DGAT2: variants seen among roughly 807,000 people sequenced by gnomAD.
DGAT2 encodes the protein diacylglycerol O-acyltransferase 2, also known as acyl-CoA retinol O-fatty-acyltransferase.
Under a neutral mutation model 48.4 loss-of-function variants are expected in DGAT2, and 33 were observed. The observed-to-expected ratio is 0.68, with a 90% CI of 0.52 to 0.91. The LOEUF is 0.91. Ranked by LOEUF, DGAT2 falls within the 40% of genes least tolerant of loss-of-function variation. The probability of loss-of-function intolerance (pLI) is 0.00; values close to 1 mark genes in which losing one functional copy is unlikely to be tolerated. For missense variants in DGAT2, 446 were observed against 493.7 expected, an observed-to-expected ratio of 0.90 and a Z score of 0.92; for synonymous variants, 191 against 194.1, an observed-to-expected ratio of 0.98 and a Z score of 0.13.
chr11:75,800,580 G>T lies in DGAT2; in HGVS notation c.*72G>T. 6.6e-7 allele frequency: 1 copy of T among 1,524,736 alleles called. No homozygotes were observed. The highest frequency in any genetic ancestry group is 8.9e-7 in the Non-Finnish European group (1 of 1,125,490). 94.5% of individuals were successfully genotyped at this position (1,524,736 alleles called of 1,614,324 possible). A position where few individuals can be genotyped will look rare whatever the true frequency, so the allele number is the denominator to read the frequency against. On this transcript the variant is annotated 3_prime_UTR_variant, in exon 8 of 8. Coordinates refer to ENST00000228027, the MANE Select transcript of DGAT2 (RefSeq NM_032564.5). ...TTTTTTGCTCTGTAAATTTGGAAGT[G>T]TCATGGGTGTCTGTGGGTTATTTAA...
Position 75,790,168 on chromosome 11 carries a change from T to C in DGAT2, c.251-20T>C. The C allele has an allele frequency of 1.3e-6, 2 of 1,580,476 alleles. No individual in the cohort carries two copies. The highest frequency in any genetic ancestry group is 2.2e-5 in the South Asian group (2 of 90,404). ...AGATGAAGCCCAGTAGGACCTGACC[T>C]GTGGCCATCTGCCCCCCAGGAGTGG... On this transcript the variant is annotated intron_variant, in intron 2 of 7. Transcript: ENST00000228027.
chr11:75,796,775 C>A (rs1049288057), intron 5 of DGAT2: 3 of 551,068 alleles, frequency 5.4e-6, no homozygotes, highest in Non-Finnish European at 9.7e-6. Flanking sequence ...TTTCTGGGGA[C>A]CCCCAGCCCT....
At chr11:75,787,939 C>T (rs1944939239) in intron 2 of DGAT2, among the ~76,000 whole-genome samples, 1 of 152,186 alleles carries the variant, frequency 6.6e-6, no homozygotes, top group Admixed American at 6.5e-5. Flanking sequence ...TCTCTGGATA[C>T]CCCATCAGGC....
In DGAT2 at chr11:75,768,840, C is replaced by A. The variant is rs1030599939; in HGVS notation, c.-152C>A. On this transcript the variant is annotated 5_prime_UTR_variant, in exon 1 of 8. Coordinates refer to ENST00000228027, the MANE Select transcript of DGAT2 (RefSeq NM_032564.5). ...CTCTCGCGCCACCACTGGCCGCCGGCCGCAGCTCCAGGTGTCCTAGCCGCC... is the reference window on the plus strand; with the variant it reads ...CTCTCGCGCCACCACTGGCCGCCGGACGCAGCTCCAGGTGTCCTAGCCGCC... The A allele has an allele frequency of 8.8e-6, 9 of 1,026,422 alleles. No individual in the cohort carries two copies. Among genetic ancestry groups the A allele is most frequent in the Non-Finnish European group, 1.0e-5 (8 of 776,196 alleles). 63.6% of individuals were successfully genotyped at this position (1,026,422 alleles called of 1,614,324 possible).
In DGAT2 at chr11:75,796,838, C is replaced by T. The variant is rs966780646; in HGVS notation, c.634+306C>T. The T allele has an allele frequency of 2.1e-5, 10 of 474,602 alleles. No individual in the cohort carries two copies. The East Asian group carries it at 2.5e-4, about 12-fold the overall frequency. 29.4% of individuals were successfully genotyped at this position (474,602 alleles called of 1,614,324 possible). On this transcript the variant is annotated intron_variant, in intron 5 of 7. Coordinates refer to ENST00000228027, the MANE Select transcript of DGAT2 (RefSeq NM_032564.5). ...TTGTCCATGGCACTGTAATTGTCCA[C>T]CTGCCTGAGACCTCCCACCAGACTG...
At chr11:75,798,525 G>C in intron 7 of DGAT2, 96 bp downstream of exon 7, 7 of 1,354,570 alleles carry the variant, frequency 5.2e-6, no homozygotes, top group Non-Finnish European at 7.1e-6. Flanking sequence ...AGGCCACCTG[G>C]CTCTGATGGC....
intron 7 of DGAT2, among the ~76,000 whole-genome samples, chr11:75,799,770 C>T (rs1945092431): frequency 6.6e-6 from 1 of 151,984 alleles, no homozygotes; most frequent in Non-Finnish European, 1.5e-5. Context: ...TGCACCACCA[C>T]ACCCAGCTAA....
chr11:75,784,931 A>G (rs1944906134), intron 2 of DGAT2, among the ~76,000 whole-genome samples, 185 bp downstream of exon 2: 1 of 152,104 alleles, frequency 6.6e-6, no homozygotes, highest in Non-Finnish European at 1.5e-5. Flanking sequence ...CTCAGCATGC[A>G]TGAAGATTCA....
At chr11:75,769,181 G>C in intron 1 of DGAT2, 69 bp downstream of exon 1, 1 of 1,492,922 alleles carries the variant, frequency 6.7e-7, no homozygotes, top group Non-Finnish European at 8.8e-7. Context: ...GTGGCAGGCT[G>C]GTGGGTACTG....
At chr11:75,794,936 CCTCCCCCTCCTCCGTTCCT>C (rs1332957365) in intron 4 of DGAT2, 4 of 1,470 alleles carry the variant, frequency 2.7e-3, no homozygotes, top group African/African-American at 9.1e-3. Context: ...CCTCCCCTCC[CCTCCCCCTCCTCCGTTCCT>C]CTCCCCTCTC....
intron 1 of DGAT2, 68 bp from the exon 2 acceptor site, chr11:75,784,550 G>T (rs1944900429): frequency 1.3e-6 from 2 of 1,596,044 alleles, no homozygotes; most frequent in South Asian, 2.3e-5. Context: ...GGGAGGTGAG[G>T]TTTGTACTGG....
At chr11:75,796,171 G>T in intron 4 of DGAT2, 157 bp from the exon 5 acceptor site, 1 of 679,784 alleles carries the variant, frequency 1.5e-6, no homozygotes. Flanking sequence ...TGTGGCCCTG[G>T]GGATGAGAGT....
chr11:75,769,251 C>A, intron 1 of DGAT2, 139 bp downstream of exon 1: 1 of 1,078,574 alleles, frequency 9.3e-7, no homozygotes, highest in Non-Finnish European at 1.2e-6. Flanking sequence ...TCTGTTACAT[C>A]GCTTTCCACC....
chr11:75,779,404 C>T (rs1311908431), intron 1 of DGAT2, among the ~76,000 whole-genome samples: 2 of 152,196 alleles, frequency 1.3e-5, no homozygotes, highest in Non-Finnish European at 2.9e-5. Context: ...TAAGTCCTGG[C>T]TCCCACACCC....
In DGAT2 at chr11:75,800,635, T is replaced by A; in HGVS notation, c.*127T>A. On this transcript the variant is annotated 3_prime_UTR_variant, in exon 8 of 8. Transcript: ENST00000228027. ...AATTATAACAATTTTGCTAAACCAT[T>A]ACAATGTTAGGTCTTTTTTAAGAAG... 1 of 1,181,908 alleles carries A rather than the reference T, an allele frequency of 8.5e-7. No individual in the cohort carries two copies. Among genetic ancestry groups the A allele is most frequent in the Non-Finnish European group, 1.2e-6 (1 of 861,228 alleles). The allele number at this position is 1,181,908 out of a possible 1,614,324, so 73.2% of individuals were successfully genotyped here.
intron 1 of DGAT2, among the ~76,000 whole-genome samples, chr11:75,770,655 T>G (rs1281439972): frequency 6.6e-6 from 1 of 152,228 alleles, no homozygotes; most frequent in African/African-American, 2.4e-5. Flanking sequence ...AGCTGTGTCT[T>G]CCAGGAGGCA....
At position 75,768,888 on chromosome 11, in the gene DGAT2, C is replaced by A; in HGVS notation, c.-104C>A. 7.6e-7 allele frequency: 1 copy of A among 1,310,742 alleles called. No homozygotes were observed. The highest frequency in any genetic ancestry group is 3.1e-5 in the East Asian group (1 of 31,814). 81.2% of individuals were successfully genotyped at this position (1,310,742 alleles called of 1,614,324 possible). A position where few individuals can be genotyped will look rare whatever the true frequency, so the allele number is the denominator to read the frequency against. On this transcript the variant is annotated 5_prime_UTR_variant, in exon 1 of 8. Coordinates refer to ENST00000228027, the MANE Select transcript of DGAT2 (RefSeq NM_032564.5). Reference sequence around the variant, plus strand: ...GCCCAGCCTCGACGCCGTCCCGGGACCCCTGTGCTCTGCGCGAAGCCCTGG... The same window carrying A: ...GCCCAGCCTCGACGCCGTCCCGGGAACCCTGTGCTCTGCGCGAAGCCCTGG...
Position 75,798,395 on chromosome 11 carries a change from G to A in DGAT2, c.978G>A (p.Gly326=), listed in dbSNP as rs780073056. ...GCCTCTTCTCCTCCGACACCTGGGG[G>A]CTGGTGCCCTACTCCAAGCCCATCA... ...GRGLFSSDTW[G]LVPYSKPITT... is the part of the protein sequence containing the mutation. The change falls in exon 7 of 8, where the codon GGG becomes GGA. Residue 326 remains glycine (G), a synonymous_variant. Coordinates refer to ENST00000228027, the MANE Select transcript of DGAT2 (RefSeq NM_032564.5). 29 of 1,613,604 alleles carry A rather than the reference G, an allele frequency of 1.8e-5. No individual in the cohort carries two copies. Among genetic ancestry groups the A allele is most frequent in the Middle Eastern group, 1.7e-4 (1 of 5,770 alleles).
chr11:75,782,442 A>C (rs963999122), intron 1 of DGAT2, among the ~76,000 whole-genome samples: 1 of 152,214 alleles, frequency 6.6e-6, no homozygotes, highest in East Asian at 1.9e-4. Flanking sequence ...AGCCTGCCTC[A>C]GATGGAACAG....
Sources: allele counts gnomAD v4.1 joint callset (sites outside exome capture counted in the v4.1 genomes callset), GRCh38; gene constraint gnomAD v4.1.1; transcripts MANE v1.5; gene names NCBI Gene and HGNC (gene_info 2026-07-23, HGNC 2026-07-21).